SLC8A3: variants seen among roughly 807,000 people sequenced by gnomAD.
SLC8A3 encodes the protein sodium/calcium exchanger 3.
Under a neutral mutation model 65.4 loss-of-function variants are expected in SLC8A3, and 37 were observed. The observed-to-expected ratio is 0.57, with a 90% CI of 0.44 to 0.74. The LOEUF (loss-of-function observed/expected upper bound fraction) is 0.74. Among genes scored for constraint, SLC8A3 ranks in the 30% least tolerant of loss-of-function variants. The pLI is 0.00. For synonymous variants in SLC8A3, 461 were observed against 444.5 expected (o/e 1.04, Z -0.47); for missense variants, 1,112 against 1,172.1 (o/e 0.95, Z 0.75).
chr14:70,063,944 A>G (rs1566747527), intron 2 of SLC8A3: 1 of 1,396,164 alleles, frequency 7.2e-7, no homozygotes, highest in Admixed American at 1.7e-5. Flanking sequence ...GGATGGAAAA[A>G]TAAGTATCAT....
chr14:70,179,263 T>A lies in SLC8A3; in HGVS notation c.-63+9116A>T, dbSNP rs188350854. ...CTCCAGTACTCTCTTGTAACATCAC[T>A]TTTCGTTTTCTTTACAGCCCATATT... On this transcript the variant is annotated intron_variant, in intron 1 of 6. Coordinates refer to ENST00000356921, the MANE Select transcript of SLC8A3 (RefSeq NM_182932.3). Among the ~76,000 whole-genome samples, 139 of 152,276 alleles carry A rather than the reference T, an allele frequency of 9.1e-4. 2 individuals are homozygous for A. The highest frequency in any genetic ancestry group is 2.3e-3 in the Admixed American group (35 of 15,302).
chr14:70,067,010 G>A (rs1178072256), intron 2 of SLC8A3, among the ~76,000 whole-genome samples: 2 of 152,134 alleles, frequency 1.3e-5, no homozygotes, highest in Non-Finnish European at 2.9e-5. Flanking sequence ...TACACACAGA[G>A]CCCTTACCAT....
intron 1 of SLC8A3, among the ~76,000 whole-genome samples, chr14:70,181,223 T>G (rs534935933): frequency 6.6e-6 from 1 of 152,306 alleles, no homozygotes; most frequent in South Asian, 2.1e-4. Context: ...ACCAATTCAT[T>G]GCCTCCTCTA....
chr14:70,181,116 C>T (rs1314531111), intron 1 of SLC8A3, among the ~76,000 whole-genome samples: 2 of 152,146 alleles, frequency 1.3e-5, no homozygotes, highest in African/African-American at 4.8e-5. Context: ...CCAACACAAA[C>T]TCTTTTGATG....
chr14:70,142,191 A>G (rs752376316), intron 2 of SLC8A3, among the ~76,000 whole-genome samples: 5 of 152,182 alleles, frequency 3.3e-5, no homozygotes, highest in Non-Finnish European at 5.9e-5. Flanking sequence ...CAACCAATTC[A>G]TGTTACTGCA....
Position 70,096,978 on chromosome 14 carries a change from C to T in SLC8A3, c.1785-36039G>A, listed in dbSNP as rs113065374. 3.0e-3 allele frequency among the ~76,000 whole-genome samples: 461 copies of T among 152,248 alleles called. 2 individuals carry two copies. The highest frequency in any genetic ancestry group is 0.011 in the African/African-American group (438 of 41,526). On this transcript the variant is annotated intron_variant, in intron 2 of 6. Transcript: ENST00000356921. Reference sequence around the variant, plus strand: ...AACTTGCCAAGCCAAGTGAGGCCCTCGTAGCCATCCTTCTGTGAGGTAACT... The same window carrying T: ...AACTTGCCAAGCCAAGTGAGGCCCTTGTAGCCATCCTTCTGTGAGGTAACT...
At chr14:70,126,642 C>T (rs1894477401) in intron 2 of SLC8A3, among the ~76,000 whole-genome samples, 1 of 150,536 alleles carries the variant, frequency 6.6e-6, no homozygotes, top group African/African-American at 2.4e-5. Flanking sequence ...TAAGACTGTT[C>T]AAGGGGTGCC....
chr14:70,188,130 C>T (rs1162782786), intron 1 of SLC8A3, among the ~76,000 whole-genome samples: 1 of 152,062 alleles, frequency 6.6e-6, no homozygotes, highest in African/African-American at 2.4e-5. Flanking sequence ...CTGTAGACAC[C>T]CACTCTGCCA....
At chr14:70,067,924 G>A (rs1429796103) in intron 2 of SLC8A3, among the ~76,000 whole-genome samples, 2 of 152,158 alleles carry the variant, frequency 1.3e-5, no homozygotes, top group African/African-American at 2.4e-5. Context: ...GCTACTCCTA[G>A]AGCCAGTAAT....
chr14:70,102,253 T>C (rs767996751), intron 2 of SLC8A3, among the ~76,000 whole-genome samples: 1 of 151,924 alleles, frequency 6.6e-6, no homozygotes, highest in Non-Finnish European at 1.5e-5. Flanking sequence ...AGAGCAAGAG[T>C]TGTACCCTAG....
intron 2 of SLC8A3, among the ~76,000 whole-genome samples, chr14:70,154,920 C>CTTTTT (rs60863511): frequency 7.8e-6 from 1 of 128,932 alleles, no homozygotes; most frequent in Non-Finnish European, 1.6e-5. Context: ...ATTTATCATT[C>CTTTTT]TTTTTTTTTT....
intron 2 of SLC8A3, chr14:70,063,957 G>T: frequency 2.4e-6 from 3 of 1,272,856 alleles, no homozygotes; most frequent in Non-Finnish European, 2.3e-6. Flanking sequence ...AGTATCATAA[G>T]CAAGGAGTAG....
intron 2 of SLC8A3, among the ~76,000 whole-genome samples, chr14:70,102,150 T>C (rs1446749811): frequency 6.6e-6 from 1 of 152,204 alleles, no homozygotes; most frequent in Non-Finnish European, 1.5e-5. Context: ...GGTAAGACCA[T>C]GTCAAGAAAT....
intron 3 of SLC8A3, among the ~76,000 whole-genome samples, chr14:70,058,331 A>G (rs1888392570): frequency 6.6e-6 from 1 of 151,268 alleles, no homozygotes; most frequent in Non-Finnish European, 1.5e-5. Flanking sequence ...AGTCTAGACA[A>G]TCAGGTTTTA....
At chr14:70,048,610 C>A in intron 6 of SLC8A3, 157 bp downstream of exon 6, 1 of 720,634 alleles carries the variant, frequency 1.4e-6, no homozygotes, top group Non-Finnish European at 2.5e-6. Context: ...TTACTAATGT[C>A]ATTATTCATC....
At chr14:70,134,773 G>A (rs901880128) in intron 2 of SLC8A3, among the ~76,000 whole-genome samples, 16 of 152,112 alleles carry the variant, frequency 1.1e-4, no homozygotes, top group Admixed American at 3.9e-4. Context: ...ATCTACCTGC[G>A]TAAGACACTC....
chr14:70,133,406 A>G (rs1429810773), intron 2 of SLC8A3, among the ~76,000 whole-genome samples: 1 of 152,194 alleles, frequency 6.6e-6, no homozygotes, highest in Non-Finnish European at 1.5e-5. Flanking sequence ...ACTGTCACCC[A>G]GAAAAAACTG....
At chr14:70,171,536 C>T (rs1897534477) in intron 1 of SLC8A3, among the ~76,000 whole-genome samples, 1 of 152,178 alleles carries the variant, frequency 6.6e-6, no homozygotes, top group Non-Finnish European at 1.5e-5. Flanking sequence ...CTCAGTGTCT[C>T]ACACCTGTAA....
intron 1 of SLC8A3, among the ~76,000 whole-genome samples, chr14:70,187,959 T>C (rs535610295): frequency 2.0e-5 from 3 of 152,096 alleles, no homozygotes; most frequent in Non-Finnish European, 4.4e-5. Context: ...CAACACGCCC[T>C]GGCCCAGGTG....
Sources: allele counts gnomAD v4.1 joint callset (sites outside exome capture counted in the v4.1 genomes callset), GRCh38; gene constraint gnomAD v4.1.1; transcripts MANE v1.5; gene names NCBI Gene and HGNC (gene_info 2026-07-23, HGNC 2026-07-21).